DLG2: variants seen among roughly 807,000 people sequenced by gnomAD.
DLG2 encodes the protein discs large MAGUK scaffold protein 2.
In DLG2, 45 loss-of-function variants were observed where a neutral mutation model predicts 132.5. The observed-to-expected ratio is 0.34, with a 90% CI of 0.27 to 0.44. The LOEUF is 0.44. DLG2 is among the 20% of genes least tolerant of loss of function. The pLI is 1.00. For synonymous variants in DLG2, 424 were observed against 419.6 expected (o/e 1.01, Z -0.13); for missense variants, 1,045 against 1,196.9 (o/e 0.87, Z 1.87).
chr11:85,505,301 T>A (rs189810743), intron 3 of DLG2, among the ~76,000 whole-genome samples: 2 of 152,304 alleles, frequency 1.3e-5, no homozygotes, highest in Admixed American at 1.3e-4. Flanking sequence ...CTTGCACCAG[T>A]TTTCAAAGAG....
chr11:84,218,218 A>AGAAAGGAAGGAAGGAAG (rs1303696519), intron 8 of DLG2, among the ~76,000 whole-genome samples: 3 of 148,518 alleles, frequency 2.0e-5, no homozygotes, highest in Non-Finnish European at 4.5e-5. Flanking sequence ...AAGGAAGGAA[A>AGAAAGGAAGGAAGGAAG]GAAAGGAAGG....
In DLG2 at chr11:84,480,831, C is replaced by T. The variant is rs377506613; in HGVS notation, c.519+53739G>A. Among the ~76,000 whole-genome samples, 22 of 151,258 alleles carry T rather than the reference C, an allele frequency of 1.5e-4. No individual in the cohort carries two copies. In the South Asian group the frequency reaches 2.3e-3, roughly 16 times the overall value. On this transcript the variant is annotated intron_variant, in intron 7 of 27. Coordinates refer to ENST00000376104, the MANE Select transcript of DLG2 (RefSeq NM_001142699.3). ...AGTGCAATCGCATGATCTCACCTCC[C>T]GGGTTCAAGCGATTCTCCTGTCTCA... is the stretch of plus-strand genomic sequence containing the variant.
At chr11:84,497,890 G>A (rs1326204611) in intron 7 of DLG2, among the ~76,000 whole-genome samples, 1 of 152,098 alleles carries the variant, frequency 6.6e-6, no homozygotes, top group African/African-American at 2.4e-5. Context: ...ACATTAAAAG[G>A]TATCCACTGA....
intron 7 of DLG2, chr11:84,272,302 T>C (rs1347023641): frequency 2.3e-6 from 1 of 438,370 alleles, no homozygotes; most frequent in Non-Finnish European, 4.6e-6. Context: ...TTATTCCAAC[T>C]GTTGAAAGAA....
chr11:83,532,894 G>C, intron 20 of DLG2, 111 bp from the exon 21 acceptor site: 4 of 868,194 alleles, frequency 4.6e-6, no homozygotes, highest in Non-Finnish European at 7.2e-6. Context: ...CAAATAAAAT[G>C]TGTTCTAAAA....
intron 6 of DLG2, among the ~76,000 whole-genome samples, chr11:84,883,797 G>A (rs1328299929): frequency 6.6e-6 from 1 of 152,074 alleles, no homozygotes. Context: ...ACTCTCAGCA[G>A]CATGTAAGAA....
chr11:85,193,019 T>C (rs1595247738), intron 4 of DLG2, among the ~76,000 whole-genome samples: 2 of 152,210 alleles, frequency 1.3e-5, no homozygotes, highest in African/African-American at 2.4e-5. Flanking sequence ...CCATTATCCT[T>C]ATATAATTCC....
chr11:85,407,775 T>G (rs2088902309), intron 3 of DLG2, among the ~76,000 whole-genome samples: 1 of 151,840 alleles, frequency 6.6e-6, no homozygotes, highest in African/African-American at 2.4e-5. Context: ...GGAATAATAC[T>G]TATACTCCAA....
At chr11:83,535,269 A>G (rs375310434) in intron 20 of DLG2, among the ~76,000 whole-genome samples, 4 of 152,284 alleles carry the variant, frequency 2.6e-5, no homozygotes, top group East Asian at 3.9e-4. Flanking sequence ...GCATCATTCA[A>G]TGATGCCAAA....
intron 3 of DLG2, among the ~76,000 whole-genome samples, chr11:85,313,136 A>C (rs748914974): frequency 6.6e-6 from 1 of 152,078 alleles, no homozygotes; most frequent in East Asian, 1.9e-4. Context: ...AGAAAGAAAA[A>C]AATAAATTTT....
intron 7 of DLG2, among the ~76,000 whole-genome samples, chr11:84,494,055 A>G (rs575922038): frequency 6.6e-6 from 1 of 152,318 alleles, no homozygotes; most frequent in African/African-American, 2.4e-5. Flanking sequence ...CATGGCACAT[A>G]AAAGACAGAG....
At chr11:84,449,798 T>G (rs2099046238) in intron 7 of DLG2, among the ~76,000 whole-genome samples, 1 of 151,850 alleles carries the variant, frequency 6.6e-6, no homozygotes, top group African/African-American at 2.4e-5. Flanking sequence ...CACAAGGGTT[T>G]GTTTTCATAA....
Position 84,373,265 on chromosome 11 carries a change from C to CAAAAAAAAACA in DLG2, c.520-121975_520-121974insTGTTTTTTTTT, listed in dbSNP as rs59038372. ...AGAAACAGTCAAAAAAAAAAAAAAA[C>CAAAAAAAAACA]AAAACAAAAAAAAAACCCACCAGGC... On this transcript the variant is annotated intron_variant, in intron 7 of 27. Transcript: ENST00000376104. Among the ~76,000 whole-genome samples the CAAAAAAAAACA allele has an allele frequency of 8.2e-5, 8 of 98,090 alleles. 1 individual carries two copies. The highest frequency in any genetic ancestry group is 3.6e-4 in the African/African-American group (8 of 21,940). 64.4% of individuals were successfully genotyped at this position (98,090 alleles called of 152,430 possible).
At chr11:84,644,337 C>T (rs893738159) in intron 6 of DLG2, among the ~76,000 whole-genome samples, 2 of 152,130 alleles carry the variant, frequency 1.3e-5, no homozygotes, top group Admixed American at 6.5e-5. Context: ...TATCTTATTT[C>T]GCCACCTGGT....
At chr11:83,875,536 C>G (rs924896848) in intron 15 of DLG2, among the ~76,000 whole-genome samples, 1 of 152,006 alleles carries the variant, frequency 6.6e-6, no homozygotes, top group African/African-American at 2.4e-5. Context: ...ATCTTGGAAT[C>G]TTAGAATATT....
chr11:84,305,863 TGA>T (rs1567233658), intron 7 of DLG2, among the ~76,000 whole-genome samples: 1 of 152,116 alleles, frequency 6.6e-6, no homozygotes, highest in Non-Finnish European at 1.5e-5. Flanking sequence ...TTATCTGACT[TGA>T]TGATGTCAAG....
intron 11 of DLG2, among the ~76,000 whole-genome samples, chr11:83,994,798 G>A (rs1283489112): frequency 2.0e-5 from 3 of 152,094 alleles, no homozygotes; most frequent in Non-Finnish European, 4.4e-5. Flanking sequence ...CCAAGATCAA[G>A]GCATTAGCAG....
chr11:84,395,992 T>C (rs1171640468), intron 7 of DLG2, among the ~76,000 whole-genome samples: 1 of 152,210 alleles, frequency 6.6e-6, no homozygotes, highest in Non-Finnish European at 1.5e-5. Context: ...ATTATGTTTA[T>C]AGAAACATTA....
At chr11:85,614,774 A>T (rs780208043) in intron 2 of DLG2, among the ~76,000 whole-genome samples, 7 of 152,362 alleles carry the variant, frequency 4.6e-5, no homozygotes, top group Middle Eastern at 3.4e-3. Context: ...CTTCAAAAGA[A>T]TCCTAAGAAC....
Sources: allele counts gnomAD v4.1 joint callset (sites outside exome capture counted in the v4.1 genomes callset), GRCh38; gene constraint gnomAD v4.1.1; transcripts MANE v1.5; gene names NCBI Gene and HGNC (gene_info 2026-07-23, HGNC 2026-07-21).